The following DMKN variants were observed in gnomAD, a reference collection of about 807,000 sequenced individuals.
DMKN encodes the protein epidermis-specific secreted protein SK30/SK89.
In DMKN, 58 loss-of-function variants were observed where a neutral mutation model predicts 67.6. The ratio of observed to expected loss-of-function variants is 0.86; its 90% CI spans 0.69 to 1.07. The LOEUF (loss-of-function observed/expected upper bound fraction) is 1.07. Among genes scored for constraint, DMKN ranks in the 50% least tolerant of loss-of-function variants. The pLI, the probability that DMKN is intolerant of heterozygous loss-of-function variation, is 0.00. For synonymous variants in DMKN, 240 were observed against 232.3 expected, an observed-to-expected ratio of 1.03 and a Z score of -0.30; for missense variants, 596 against 601.5, an observed-to-expected ratio of 0.99 and a Z score of 0.10.
Position 35,512,406 on chromosome 19 carries a change from G to C in DMKN, c.684+15C>G. 1 of 1,613,666 alleles carries C rather than the reference G, an allele frequency of 6.2e-7. No individual in the cohort carries two copies. The highest frequency in any genetic ancestry group is 8.5e-7 in the Non-Finnish European group (1 of 1,179,788). ...CCAGTGGCTTCTTCATTTGTTCCCA[G>C]CCCCTTCCTCTTACCCCTTCATTCT... On this transcript the variant is annotated intron_variant, in intron 3 of 15. Transcript: ENST00000339686.
At chr19:35,499,649 T>C (rs1035922908) in intron 13 of DMKN, among the ~76,000 whole-genome samples, 1 of 152,168 alleles carries the variant, frequency 6.6e-6, no homozygotes, top group East Asian at 1.9e-4. Context: ...GCAGGTGTCA[T>C]GATTTTTTAA....
chr19:35,510,060 G>T, intron 6 of DMKN, 99 bp from the exon 7 acceptor site: 1 of 1,579,010 alleles, frequency 6.3e-7, no homozygotes, highest in Non-Finnish European at 8.6e-7. Flanking sequence ...AGCCGCTTCC[G>T]CTCCACCTCC....
intron 9 of DMKN, chr19:35,503,254 C>T: frequency 6.8e-7 from 1 of 1,463,076 alleles, no homozygotes; most frequent in Non-Finnish European, 9.0e-7. Flanking sequence ...ACCCCTTCCA[C>T]ACCACCCTGG....
chr19:35,504,628 A>G (rs920990693), intron 9 of DMKN, among the ~76,000 whole-genome samples: 4 of 152,082 alleles, frequency 2.6e-5, no homozygotes, highest in African/African-American at 9.7e-5. Flanking sequence ...GAAAAAAGAA[A>G]AGAAACAGAG....
intron 5 of DMKN, chr19:35,510,462 C>A: frequency 6.4e-7 from 1 of 1,552,024 alleles, no homozygotes; most frequent in Non-Finnish European, 8.7e-7. Context: ...GTATTCGGAA[C>A]TACGCAATGA....
At position 35,504,868 on chromosome 19, in the gene DMKN, C is replaced by A. The variant is rs559933253; in HGVS notation, c.1134+850G>T. 1.5e-4 allele frequency among the ~76,000 whole-genome samples: 23 copies of A among 152,072 alleles called. 1 individual carries two copies. In the East Asian group the frequency reaches 4.1e-3, roughly 27 times the overall value. ...CCCCCCACCCATTCCCAACACCCCC[C>A]ACCTGGGCCAAGCAGCAGCTGTTTC... On this transcript the variant is annotated intron_variant, in intron 9 of 15. Coordinates refer to ENST00000339686, the MANE Select transcript of DMKN (RefSeq NM_033317.5).
intron 7 of DMKN, among the ~76,000 whole-genome samples, chr19:35,509,251 G>A (rs906492252): frequency 7.0e-6 from 1 of 142,972 alleles, no homozygotes; most frequent in African/African-American, 2.7e-5. Context: ...CTAGAAAGAG[G>A]GTTACAAATG....
At chr19:35,499,394 T>G (rs1312806425) in intron 13 of DMKN, 1 of 184,806 alleles carries the variant, frequency 5.4e-6, no homozygotes, top group South Asian at 1.3e-4. Context: ...AAATTTGTAC[T>G]TAGCATATTC....
In DMKN at chr19:35,498,764, C is replaced by G. The variant is rs2067867538; in HGVS notation, c.1384-1G>C. 2.5e-6 allele frequency: 4 copies of G among 1,614,214 alleles called. No individual in the cohort carries two copies. Among genetic ancestry groups the G allele is most frequent in the African/African-American group, 1.3e-5 (1 of 75,052 alleles). ...GCAGGCCAGGTTGCACCCGGGAAGCCTGCCAGAAAAAGAGAAAGTCTGAGT... is the reference window on the plus strand; with the variant it reads ...GCAGGCCAGGTTGCACCCGGGAAGCGTGCCAGAAAAAGAGAAAGTCTGAGT... On this transcript the variant is annotated splice_acceptor_variant, in intron 14 of 15. Transcript: ENST00000339686. LOFTEE classifies it high-confidence loss of function.
chr19:35,504,057 T>TCTGCC (rs1422311577), intron 9 of DMKN, among the ~76,000 whole-genome samples: 1 of 152,096 alleles, frequency 6.6e-6, no homozygotes, highest in African/African-American at 2.4e-5. Context: ...CCTGCCCACC[T>TCTGCC]CTGCCCTGCC....
At chr19:35,511,943 C>A in intron 3 of DMKN, 130 bp from the exon 4 acceptor site, 2 of 1,018,690 alleles carry the variant, frequency 2.0e-6, no homozygotes, top group Non-Finnish European at 1.4e-6. Flanking sequence ...GTTTCTCCCA[C>A]CTCCCCTTCC....
intron 7 of DMKN, among the ~76,000 whole-genome samples, chr19:35,508,810 A>G (rs984332313): frequency 6.6e-6 from 1 of 152,230 alleles, no homozygotes; most frequent in African/African-American, 2.4e-5. Context: ...TTGCAGGAGT[A>G]TGCATAGTGC....
intron 7 of DMKN, chr19:35,509,614 C>A: frequency 2.9e-6 from 1 of 344,062 alleles, no homozygotes. Context: ...AGTCTGTTCC[C>A]CGGCTGGATA....
At chr19:35,512,554 G>C (rs1385628337) in intron 2 of DMKN, 36 bp downstream of exon 2, 1 of 1,613,994 alleles carries the variant, frequency 6.2e-7, no homozygotes, top group Non-Finnish European at 8.5e-7. Context: ...TTGGAGGGAG[G>C]GAGGTGGCAG....
intron 11 of DMKN, among the ~76,000 whole-genome samples, chr19:35,501,252 G>C (rs1401931393): frequency 3.9e-5 from 6 of 152,160 alleles, no homozygotes; most frequent in Non-Finnish European, 8.8e-5. Flanking sequence ...CCTGACTCCA[G>C]CATTAATTCT....
chr19:35,511,486 G>GTTGTTGT lies in DMKN; in HGVS notation c.842_843insACAACAA (p.Ser281ArgfsTer21), dbSNP rs2070773327. On this transcript the variant is annotated frameshift_variant, in exon 5 of 16. Coordinates refer to ENST00000339686, the MANE Select transcript of DMKN (RefSeq NM_033317.5). LOFTEE classifies it high-confidence loss of function. ...TGCTGCCACCACTGCTGCCGCCACT[G>GTTGTTGT]CTGCCGCCACTGCTGCTGCCACTGC... The GTTGTTGT allele has an allele frequency of 3.7e-6, 4 of 1,089,980 alleles. No individual in the cohort carries two copies. In the African/African-American group the frequency reaches 7.0e-5, roughly 19 times the overall value. The allele number at this position is 1,089,980 out of a possible 1,614,324, so 67.5% of individuals were successfully genotyped here.
rs2071035194 is a variant in DMKN at position 35,512,662 on chromosome 19, T to C, written c.555A>G (p.Gly185=). The C allele has an allele frequency of 6.2e-7, 1 of 1,614,028 alleles. No homozygotes were observed. Among genetic ancestry groups the C allele is most frequent in the African/African-American group, 1.3e-5 (1 of 74,910 alleles). Reference sequence around the variant, plus strand: ...CCCAGGGAGCTCCCTGAGGATTCATTCCAAAGCTGCCTGCTGAGTTTCCGG... The same window carrying C: ...CCCAGGGAGCTCCCTGAGGATTCATCCCAAAGCTGCCTGCTGAGTTTCCGG... ...GYPGNSAGSF[G]MNPQGAPWGQ... The change falls in exon 2 of 16, where the codon GGA becomes GGG. Residue 185 remains glycine (G), a synonymous_variant. Transcript: ENST00000339686.
At chr19:35,508,722 T>A (rs2070098452) in intron 7 of DMKN, among the ~76,000 whole-genome samples, 1 of 152,070 alleles carries the variant, frequency 6.6e-6, no homozygotes, top group Admixed American at 6.6e-5. Flanking sequence ...GTAAGTCTGG[T>A]TAGATGGAGG....
At chr19:35,506,631 A>G in intron 7 of DMKN, 1 of 454,762 alleles carries the variant, frequency 2.2e-6, no homozygotes, top group Non-Finnish European at 4.4e-6. Context: ...ATTTTACTGG[A>G]GGAAGCTCAG....
Sources: allele counts gnomAD v4.1 joint callset (sites outside exome capture counted in the v4.1 genomes callset), GRCh38; gene constraint gnomAD v4.1.1; transcripts MANE v1.5; gene names NCBI Gene and HGNC (gene_info 2026-07-23, HGNC 2026-07-21).